ESYT2: variants seen among roughly 807,000 people sequenced by gnomAD.
The protein encoded by ESYT2 is extended synaptotagmin 2, also known as extended synaptotagmin-2.
A neutral mutation model predicts 107.2 loss-of-function variants in ESYT2; 54 were observed. The ratio of observed to expected loss-of-function variants is 0.50; its 90% CI spans 0.40 to 0.63. The LOEUF (loss-of-function observed/expected upper bound fraction) is 0.63, where lower values mean the gene tolerates loss of function less well. Among genes scored for constraint, ESYT2 ranks in the 30% least tolerant of loss-of-function variants. The probability of loss-of-function intolerance (pLI) is 0.00; values close to 1 mark genes in which losing one functional copy is unlikely to be tolerated. For missense variants in ESYT2, 1,020 were observed against 1,094.5 expected, an observed-to-expected ratio of 0.93 and a Z score of 0.96; for synonymous variants, 491 against 434.1, an observed-to-expected ratio of 1.13 and a Z score of -1.63.
At chr7:158,806,836 G>A (rs547151515) in intron 1 of ESYT2, among the ~76,000 whole-genome samples, 3 of 152,040 alleles carry the variant, frequency 2.0e-5, no homozygotes, top group South Asian at 2.1e-4. Flanking sequence ...AAGACAATCC[G>A]GTTGTTTTTA....
At chr7:158,747,074 G>A (rs771918752) in intron 16 of ESYT2, among the ~76,000 whole-genome samples, 106 of 150,308 alleles carry the variant, frequency 7.1e-4, no homozygotes, top group Middle Eastern at 3.8e-3. Context: ...GGCGGGGTGC[G>A]TTGGCTCACG....
At position 158,749,630 on chromosome 7, in the gene ESYT2, T is replaced by G. The variant is rs1281841439; in HGVS notation, c.1557+19A>C. On this transcript the variant is annotated intron_variant, in intron 15 of 22. Coordinates refer to ENST00000275418, the MANE Select transcript of ESYT2 (RefSeq NM_001367773.1). ...CCGCACGACAGGCACCAAGGCTGAG[T>G]CCAGGGCGAGCACCTTACCTTGCTC... 1 of 1,613,472 alleles carries G rather than the reference T, an allele frequency of 6.2e-7. No individual in the cohort carries two copies. Among genetic ancestry groups the G allele is most frequent in the South Asian group, 1.1e-5 (1 of 90,946 alleles).
intron 7 of ESYT2, among the ~76,000 whole-genome samples, chr7:158,769,415 C>G (rs1383032594): frequency 6.6e-6 from 1 of 152,216 alleles, no homozygotes; most frequent in Non-Finnish European, 1.5e-5. Context: ...ACGGAGCTCC[C>G]TGGCGGGGCT....
At chr7:158,799,455 G>C (rs192132246) in intron 1 of ESYT2, among the ~76,000 whole-genome samples, 15 of 152,070 alleles carry the variant, frequency 9.9e-5, no homozygotes, top group Middle Eastern at 3.4e-3. Context: ...GGCAATCTAG[G>C]CTCAGAGCCC....
At chr7:158,777,801 C>T (rs842443) in intron 6 of ESYT2, among the ~76,000 whole-genome samples, 99,780 of 151,986 alleles carry the variant, frequency 0.66, 34,983 homozygotes, top group Non-Finnish European at 0.78. Flanking sequence ...TGCCCCAAAA[C>T]GATTACATTA....
intron 19 of ESYT2, among the ~76,000 whole-genome samples, chr7:158,738,477 A>G (rs1266317658): frequency 6.7e-6 from 1 of 148,950 alleles, no homozygotes; most frequent in East Asian, 2.4e-4. Context: ...TTTTTGAGAC[A>G]AAGTTTCGCT....
At chr7:158,736,180 C>T (rs73729965) in intron 20 of ESYT2, among the ~76,000 whole-genome samples, 38 of 152,028 alleles carry the variant, frequency 2.5e-4, no homozygotes, top group Admixed American at 2.5e-3. Context: ...AGTGGAGTCT[C>T]CAGACGCTTA....
chr7:158,794,654 T>C (rs560400761), intron 3 of ESYT2, among the ~76,000 whole-genome samples: 2 of 152,074 alleles, frequency 1.3e-5, no homozygotes, highest in African/African-American at 2.4e-5. Flanking sequence ...CGTGCACCTG[T>C]AGTCCCAGCT....
chr7:158,792,774 T>A (rs34830120), intron 4 of ESYT2, among the ~76,000 whole-genome samples: 86 of 141,568 alleles, frequency 6.1e-4, no homozygotes, highest in African/African-American at 2.2e-3. Flanking sequence ...GTTTTTTTTT[T>A]TTTTTTTTTT....
At position 158,761,545 on chromosome 7, in the gene ESYT2, C is replaced by T; in HGVS notation, c.1185-1G>A. The T allele has an allele frequency of 6.2e-7, 1 of 1,613,238 alleles. No homozygotes were observed. The highest frequency in any genetic ancestry group is 2.2e-5 in the East Asian group (1 of 44,868). ...AACTTCAATGAGGTCAATCATAAGA[C>T]TATAAAAATAACAATACGACAACTT... On this transcript the variant is annotated splice_acceptor_variant, in intron 10 of 22. Transcript: ENST00000275418. LOFTEE classifies it high-confidence loss of function.
At position 158,759,474 on chromosome 7, in the gene ESYT2, T is replaced by C; in HGVS notation, c.1419+12A>G. 1 of 1,602,444 alleles carries C rather than the reference T, an allele frequency of 6.2e-7. No homozygotes were observed. On this transcript the variant is annotated intron_variant, in intron 13 of 22. Coordinates refer to ENST00000275418, the MANE Select transcript of ESYT2 (RefSeq NM_001367773.1). ...AATACGCACCCACAGGTGTTACCAC[T>C]GTGTTACCTACCGGAAGGTTCCTTG...
At chr7:158,785,328 G>A (rs1247022170) in intron 6 of ESYT2, among the ~76,000 whole-genome samples, 1 of 152,082 alleles carries the variant, frequency 6.6e-6, no homozygotes, top group African/African-American at 2.4e-5. Context: ...TGGAGGCTGA[G>A]GCAGGACAAT....
At chr7:158,748,083 A>T (rs1212732223) in intron 16 of ESYT2, 111 bp downstream of exon 16, 1 of 941,022 alleles carries the variant, frequency 1.1e-6, no homozygotes, top group African/African-American at 1.7e-5. Context: ...AATTGTCCTG[A>T]TTCTGGCGAT....
chr7:158,829,269 C>T lies in ESYT2; in HGVS notation c.150G>A (p.Val50=), dbSNP rs1016861736. ...LARSFALLLP[V]YALGYLGLSF... Reference sequence around the variant, plus strand: ...TGAGCCCCAGGTAGCCCAGCGCGTACACGGGCAGCAGCAGCGCGAAGCTCC... The same window carrying T: ...TGAGCCCCAGGTAGCCCAGCGCGTATACGGGCAGCAGCAGCGCGAAGCTCC... The change falls in exon 1 of 23, where the codon GTG becomes GTA. Residue 50 remains valine, a synonymous_variant. Coordinates refer to ENST00000275418, the MANE Select transcript of ESYT2 (RefSeq NM_001367773.1). 1.3e-6 allele frequency: 2 copies of T among 1,523,410 alleles called. No homozygotes were observed. The highest frequency in any genetic ancestry group is 4.0e-5 in the Admixed American group (2 of 49,710). 94.4% of individuals were successfully genotyped at this position (1,523,410 alleles called of 1,614,324 possible).
intron 13 of ESYT2, among the ~76,000 whole-genome samples, chr7:158,757,775 GTTTT>G (rs891182185): frequency 7.0e-6 from 1 of 143,132 alleles, no homozygotes; most frequent in Non-Finnish European, 1.5e-5. Flanking sequence ...TTTGTTTTTT[GTTTT>G]TTTTGCTTAT....
intron 20 of ESYT2, 45 bp downstream of exon 20, chr7:158,737,003 C>A: frequency 6.2e-7 from 1 of 1,606,604 alleles, no homozygotes; most frequent in Non-Finnish European, 8.5e-7. Context: ...CTTAATCCGT[C>A]ACTTCAACCG....
At chr7:158,814,365 C>T (rs1189219) in intron 1 of ESYT2, among the ~76,000 whole-genome samples, 92,711 of 129,780 alleles carry the variant, frequency 0.71, 35,423 homozygotes, top group Non-Finnish European at 0.8. Flanking sequence ...ATACCTTACT[C>T]GTCCAGATGA....
chr7:158,816,719 C>T (rs527944275), intron 1 of ESYT2, among the ~76,000 whole-genome samples: 4 of 152,296 alleles, frequency 2.6e-5, no homozygotes, highest in South Asian at 4.1e-4. Flanking sequence ...TTGACATCTA[C>T]GGAGCATTTC....
chr7:158,792,202 T>C (rs1369455967), intron 4 of ESYT2, among the ~76,000 whole-genome samples: 1 of 149,334 alleles, frequency 6.7e-6, no homozygotes, highest in Non-Finnish European at 1.5e-5. Flanking sequence ...GTTTTCTACA[T>C]ATGAGATCAT....
Sources: gnomAD v4.1 joint callset for allele counts (sites outside exome capture counted in the v4.1 genomes callset) on GRCh38, gnomAD v4.1.1 for gene constraint, MANE v1.5 for transcripts, NCBI Gene and HGNC (gene_info 2026-07-23, HGNC 2026-07-21) for gene names.